The following MBNL2 variants were observed in gnomAD, a reference collection of about 807,000 sequenced individuals.
MBNL2 encodes muscleblind-like protein 2.
MBNL2 carries 17 observed loss-of-function variants against 41.9 expected under a neutral mutation model. That is an observed-to-expected ratio of 0.41 (90% CI 0.28 to 0.61). The LOEUF (loss-of-function observed/expected upper bound fraction) is 0.61. MBNL2 is among the 20% of genes least tolerant of loss of function. The pLI is 0.35. For synonymous variants in MBNL2, 195 were observed against 182.9 expected (o/e 1.07, Z -0.53); for missense variants, 336 against 505.6 (o/e 0.66, Z 3.22).
chr13:97,375,267 G>A (rs2064856659), intron 8 of MBNL2, among the ~76,000 whole-genome samples: 1 of 152,188 alleles, frequency 6.6e-6, no homozygotes, highest in South Asian at 2.1e-4. Context: ...TGGGTCTGCT[G>A]ACCACTCTAG....
chr13:97,347,408 G>A (rs930440503), intron 5 of MBNL2, among the ~76,000 whole-genome samples: 7 of 152,248 alleles, frequency 4.6e-5, no homozygotes, highest in South Asian at 2.1e-4. Flanking sequence ...GGTGGGCACC[G>A]CTTCGGAGAG....
At chr13:97,182,328 A>T in the MBNL2 span, among the ~76,000 whole-genome samples, 1,075 of 152,354 alleles carry the variant, frequency 7.1e-3, 10 homozygotes, top group African/African-American at 0.023. Context: ...GGAAGTCATA[A>T]ATATTCAGTT....
the MBNL2 span, among the ~76,000 whole-genome samples, chr13:97,189,670 G>A: frequency 6.6e-6 from 1 of 152,104 alleles, no homozygotes; most frequent in African/African-American, 2.4e-5. Context: ...GTGTGTAAAT[G>A]TGTATGCATA....
chr13:97,243,335 G>A (rs765710328), intron 1 of MBNL2, among the ~76,000 whole-genome samples: 1 of 152,190 alleles, frequency 6.6e-6, no homozygotes, highest in Non-Finnish European at 1.5e-5. Context: ...GCATGTGTCG[G>A]ATGCTGTACT....
chr13:97,343,490 C>T (rs1332155906), intron 4 of MBNL2, among the ~76,000 whole-genome samples: 1 of 152,170 alleles, frequency 6.6e-6, no homozygotes, highest in Non-Finnish European at 1.5e-5. Context: ...ATCAATGGAA[C>T]AGTGACTCAA....
intron 1 of MBNL2, among the ~76,000 whole-genome samples, chr13:97,275,257 A>G (rs2051961254): frequency 6.6e-6 from 1 of 152,228 alleles, no homozygotes; most frequent in African/African-American, 2.4e-5. Context: ...CACATCCCAA[A>G]TAATTGTTTA....
chr13:97,254,166 C>A (rs958211804), intron 1 of MBNL2, among the ~76,000 whole-genome samples: 17 of 152,216 alleles, frequency 1.1e-4, no homozygotes, highest in Non-Finnish European at 8.8e-5. Context: ...GGATTACAGG[C>A]ATAAGCCACC....
At chr13:97,314,998 A>G (rs910056376) in intron 2 of MBNL2, among the ~76,000 whole-genome samples, 3 of 152,222 alleles carry the variant, frequency 2.0e-5, no homozygotes, top group Admixed American at 1.3e-4. Context: ...TCTTATTAAA[A>G]TGAAATGTAT....
intron 2 of MBNL2, among the ~76,000 whole-genome samples, chr13:97,282,912 C>G (rs2053706584): frequency 6.6e-6 from 1 of 152,218 alleles, no homozygotes; most frequent in Non-Finnish European, 1.5e-5. Context: ...GTGCAGTCAT[C>G]CCCAGAGAAT....
chr13:97,391,307 C>T lies in MBNL2; in HGVS notation c.1049-15C>T. 2 of 1,132,126 alleles carry T rather than the reference C, an allele frequency of 1.8e-6. No homozygotes were observed. The highest frequency in any genetic ancestry group is 2.4e-5 in the East Asian group (1 of 42,172). 70.1% of individuals were successfully genotyped at this position (1,132,126 alleles called of 1,614,324 possible). The stretch of plus-strand genomic sequence containing the variant: ...AGAAGGATACCTAAATCATGCTTGT[C>T]TTTCTCTTTAACAGATAATTCTGAA... On this transcript the variant is annotated splice_polypyrimidine_tract_variant and intron_variant, in intron 8 of 8. Transcript: ENST00000679496.
intron 3 of MBNL2, among the ~76,000 whole-genome samples, chr13:97,339,305 G>A (rs534418381): frequency 1.3e-5 from 2 of 152,172 alleles, no homozygotes; most frequent in East Asian, 3.9e-4. Flanking sequence ...TGTCATCTTT[G>A]AACCTGGACC....
chr13:97,213,470 C>T, the MBNL2 span, among the ~76,000 whole-genome samples: 24 of 152,262 alleles, frequency 1.6e-4, no homozygotes, highest in East Asian at 3.7e-3. Context: ...ATTTGCAATG[C>T]ACATTCCCAG....
At chr13:97,287,918 G>GTTTTTTTTTTTTTTTTTTTTTTTTTT (rs11423615) in intron 2 of MBNL2, among the ~76,000 whole-genome samples, 1 of 124,630 alleles carries the variant, frequency 8.0e-6, no homozygotes, top group African/African-American at 3.5e-5. Flanking sequence ...CTAATTTTCT[G>GTTTTTTTTTTTTTTTTTTTTTTTTTT]TTTTTTTTTT....
rs2066435812 is a variant in MBNL2, at chr13:97,393,384, TTGTC to T, written c.*1937_*1940del. 1 of 152,380 alleles carries T rather than the reference TTGTC, an allele frequency of 6.6e-6. No homozygotes were observed. The highest frequency in any genetic ancestry group is 6.6e-5 in the Admixed American group (1 of 15,248). The allele number at this position is 152,380 out of a possible 1,614,324, so 9.4% of individuals were successfully genotyped here. A position where few individuals can be genotyped will look rare whatever the true frequency, so the allele number is the denominator to read the frequency against. ...TTTTTGTAGATTAATTGTTGTAACA[TTGTC>T]TTTCTTTTTTTTCTTTTGTTTCATG... On this transcript the variant is annotated 3_prime_UTR_variant, in exon 9 of 9. Coordinates refer to ENST00000679496, the MANE Select transcript of MBNL2 (RefSeq NM_001382683.1).
chr13:97,318,679 G>A (rs1439804946), intron 2 of MBNL2, among the ~76,000 whole-genome samples: 1 of 152,240 alleles, frequency 6.6e-6, no homozygotes, highest in African/African-American at 2.4e-5. Flanking sequence ...CAGAGCTTAA[G>A]TATCCAGCCA....
chr13:97,148,248 G>A, the MBNL2 span, among the ~76,000 whole-genome samples: 1 of 152,174 alleles, frequency 6.6e-6, no homozygotes, highest in Admixed American at 6.5e-5. Flanking sequence ...GCCTAAAAAG[G>A]TAGCTCTGCA....
chr13:97,370,591 C>A (rs1316094629), intron 8 of MBNL2, among the ~76,000 whole-genome samples: 1 of 151,726 alleles, frequency 6.6e-6, no homozygotes, highest in Non-Finnish European at 1.5e-5. Flanking sequence ...ATTGCTTGAA[C>A]CCAGGAGGCA....
the MBNL2 span, among the ~76,000 whole-genome samples, chr13:97,197,947 C>T: frequency 6.6e-6 from 1 of 152,150 alleles, no homozygotes; most frequent in African/African-American, 2.4e-5. Context: ...AAATAAGACT[C>T]TTGCCAGATC....
At chr13:97,305,450 A>T (rs1250032745) in intron 2 of MBNL2, among the ~76,000 whole-genome samples, 1 of 152,166 alleles carries the variant, frequency 6.6e-6, no homozygotes, top group African/African-American at 2.4e-5. Context: ...AACTGTTTAA[A>T]AGCCTAAATC....
Sources: gnomAD v4.1 joint callset for allele counts (sites outside exome capture counted in the v4.1 genomes callset) on GRCh38, gnomAD v4.1.1 for gene constraint, MANE v1.5 for transcripts, NCBI Gene and HGNC (gene_info 2026-07-23, HGNC 2026-07-21) for gene names.